Variants in HPSE2 observed in about 807,000 individuals in gnomAD.
HPSE2 encodes the protein inactive heparanase-2.
HPSE2 carries 38 observed loss-of-function variants against 60.5 expected under a neutral mutation model. The observed-to-expected ratio is 0.63, with a 90% CI of 0.48 to 0.82. HPSE2 has a LOEUF of 0.82. Among genes scored for constraint, HPSE2 ranks in the 40% least tolerant of loss-of-function variants. The pLI is 0.00. For synonymous variants in HPSE2, 295 were observed against 293.2 expected (o/e 1.01, Z -0.06); for missense variants, 713 against 740.4 (o/e 0.96, Z 0.43).
At chr10:98,563,483 A>G (rs917782728) in intron 9 of HPSE2, among the ~76,000 whole-genome samples, 2 of 152,216 alleles carry the variant, frequency 1.3e-5, no homozygotes, top group African/African-American at 4.8e-5. Context: ...ATGTACAAAA[A>G]GTGATTATTG....
chr10:98,658,528 T>C (rs1005453127), intron 6 of HPSE2, among the ~76,000 whole-genome samples: 3 of 152,114 alleles, frequency 2.0e-5, no homozygotes, highest in Non-Finnish European at 4.4e-5. Flanking sequence ...CTATCATTGA[T>C]TGAAATAAAA....
chr10:98,635,447 T>C (rs1946471775), intron 7 of HPSE2, among the ~76,000 whole-genome samples: 1 of 152,166 alleles, frequency 6.6e-6, no homozygotes, highest in African/African-American at 2.4e-5. Context: ...TGCAGTACTA[T>C]TCACAATAGT....
chr10:98,517,161 G>A (rs1032305061), intron 9 of HPSE2, among the ~76,000 whole-genome samples: 3 of 138,050 alleles, frequency 2.2e-5, no homozygotes, highest in Non-Finnish European at 3.1e-5. Context: ...CAACACTATC[G>A]ATAGCTTGGG....
chr10:99,004,332 C>T (rs1956845483), intron 3 of HPSE2, among the ~76,000 whole-genome samples: 2 of 151,972 alleles, frequency 1.3e-5, no homozygotes, highest in Admixed American at 6.6e-5. Flanking sequence ...TTTAGAACCT[C>T]TTTTCTTTCT....
intron 3 of HPSE2, among the ~76,000 whole-genome samples, chr10:99,123,321 T>C (rs1056088908): frequency 3.3e-5 from 5 of 152,164 alleles, no homozygotes; most frequent in African/African-American, 1.2e-4. Context: ...CCAAAGAGGA[T>C]AGGCAAATCA....
At chr10:98,821,585 C>T (rs1048944445) in intron 3 of HPSE2, among the ~76,000 whole-genome samples, 6 of 152,110 alleles carry the variant, frequency 3.9e-5, no homozygotes, top group Non-Finnish European at 7.4e-5. Flanking sequence ...GAACTTTATG[C>T]CTTAATCAGG....
rs57499235 is a variant in HPSE2 at position 98,513,719 on chromosome 10, A to G, written c.1321-23523T>C. ...CTATTTTTTGGCAGAAATGCATTTG[A>G]ACTATTCTTGTTTCAACAACTTGGA... On this transcript the variant is annotated intron_variant, in intron 9 of 11. Coordinates refer to ENST00000370552, the MANE Select transcript of HPSE2 (RefSeq NM_021828.5). 9.0e-3 allele frequency among the ~76,000 whole-genome samples: 1,374 copies of G among 152,322 alleles called. 26 individuals carry two copies. Among genetic ancestry groups the G allele is most frequent in the African/African-American group, 0.028 (1,158 of 41,564 alleles).
At chr10:98,693,252 G>C (rs1345577080) in intron 6 of HPSE2, among the ~76,000 whole-genome samples, 1 of 152,192 alleles carries the variant, frequency 6.6e-6, no homozygotes, top group African/African-American at 2.4e-5. Context: ...TGACTGTTAA[G>C]GGCTGGACCT....
At chr10:98,918,983 AGG>A (rs933633640) in intron 3 of HPSE2, among the ~76,000 whole-genome samples, 2 of 152,140 alleles carry the variant, frequency 1.3e-5, no homozygotes, top group Non-Finnish European at 2.9e-5. Flanking sequence ...GCTAGGTGCA[AGG>A]GTTGTAAAGA....
chr10:99,275,425 T>C, the HPSE2 span, among the ~76,000 whole-genome samples: 130,054 of 151,966 alleles, frequency 0.86, 56,022 homozygotes, highest in African/African-American at 0.92. Context: ...AATGTATTAT[T>C]TAACTTGGGA....
chr10:98,728,148 CTG>C (rs1156518052), intron 4 of HPSE2, among the ~76,000 whole-genome samples: 1 of 152,224 alleles, frequency 6.6e-6, no homozygotes, highest in African/African-American at 2.4e-5. Context: ...ACATGAATAA[CTG>C]TAAAAAATAT....
intron 2 of HPSE2, among the ~76,000 whole-genome samples, chr10:99,176,933 C>A (rs1847549390): frequency 6.6e-6 from 1 of 150,712 alleles, no homozygotes; most frequent in Non-Finnish European, 1.5e-5. Context: ...TCTGCAGAAA[C>A]CCTACAAGTC....
At chr10:99,071,357 G>A (rs1002844025) in intron 3 of HPSE2, among the ~76,000 whole-genome samples, 5 of 152,102 alleles carry the variant, frequency 3.3e-5, no homozygotes, top group Admixed American at 6.6e-5. Context: ...GGCATAAGCC[G>A]CCGTGCCTGG....
intron 9 of HPSE2, among the ~76,000 whole-genome samples, chr10:98,515,555 T>C (rs1180955838): frequency 6.6e-6 from 1 of 152,200 alleles, no homozygotes; most frequent in Non-Finnish European, 1.5e-5. Context: ...AAAATAGAAT[T>C]ATCCTGTTTT....
intron 3 of HPSE2, among the ~76,000 whole-genome samples, chr10:99,099,659 C>T (rs540851135): frequency 6.6e-6 from 1 of 152,310 alleles, no homozygotes; most frequent in East Asian, 1.9e-4. Flanking sequence ...TCTCCAAGCA[C>T]AGAGTTTGAG....
chr10:99,308,774 AG>A, the HPSE2 span, among the ~76,000 whole-genome samples: 1 of 38,786 alleles, frequency 2.6e-5, no homozygotes, highest in Admixed American at 1.6e-4. Context: ...GTCAAATCCT[AG>A]AAAACACAGC....
intron 5 of HPSE2, among the ~76,000 whole-genome samples, chr10:98,697,471 A>C (rs925742388): frequency 6.6e-6 from 1 of 152,242 alleles, no homozygotes; most frequent in Non-Finnish European, 1.5e-5. Flanking sequence ...AAGAATGAAA[A>C]GGAATGAACA....
At chr10:98,520,661 A>G (rs1241125839) in intron 9 of HPSE2, among the ~76,000 whole-genome samples, 1 of 152,230 alleles carries the variant, frequency 6.6e-6, no homozygotes, top group East Asian at 1.9e-4. Context: ...ATTAGGATTT[A>G]CGTGATTAAA....
chr10:99,014,801 A>C (rs1957099138), intron 3 of HPSE2, among the ~76,000 whole-genome samples: 1 of 152,152 alleles, frequency 6.6e-6, no homozygotes, highest in African/African-American at 2.4e-5. Context: ...CAATGGCAAC[A>C]AAAGACAAAA....
Sources: gnomAD v4.1 joint callset for allele counts (sites outside exome capture counted in the v4.1 genomes callset) on GRCh38, gnomAD v4.1.1 for gene constraint, MANE v1.5 for transcripts, NCBI Gene and HGNC (gene_info 2026-07-23, HGNC 2026-07-21) for gene names.